DPH7: variants seen among roughly 807,000 people sequenced by gnomAD.
DPH7 encodes the protein diphthine methyltransferase.
In DPH7, 44 loss-of-function variants were observed where a neutral mutation model predicts 41.7. The ratio of observed to expected loss-of-function variants is 1.05; its 90% CI spans 0.83 to 1.36. The LOEUF (loss-of-function observed/expected upper bound fraction) is 1.36, where lower values mean the gene tolerates loss of function less well. Ranked by LOEUF, DPH7 falls within the 40% of genes most tolerant of loss-of-function variation. The pLI is 0.00. For synonymous variants in DPH7, 275 were observed against 238.0 expected, an observed-to-expected ratio of 1.16 and a Z score of -1.43; for missense variants, 629 against 577.5, an observed-to-expected ratio of 1.09 and a Z score of -0.91.
chr9:137,565,023 C>T, intron 6 of DPH7, 62 bp downstream of exon 6: 1 of 1,610,834 alleles, frequency 6.2e-7, no homozygotes, highest in African/African-American at 1.3e-5. Flanking sequence ...AACGGGAGGG[C>T]TGGTGACCCA....
intron 8 of DPH7, among the ~76,000 whole-genome samples, chr9:137,558,717 C>T (rs1482503719): frequency 2.0e-5 from 3 of 152,144 alleles, no homozygotes; most frequent in Admixed American, 2.0e-4. Flanking sequence ...GATGATTGCA[C>T]AGTATTTTGA....
rs374226836 is a variant in DPH7 at position 137,562,981 on chromosome 9, T to G, written c.949+1453A>C. Among the ~76,000 whole-genome samples the G allele has an allele frequency of 5.4e-5, 8 of 148,554 alleles. No individual in the cohort carries two copies. In the East Asian group the frequency reaches 1.4e-3, roughly 26 times the overall value. On this transcript the variant is annotated intron_variant, in intron 8 of 8. Coordinates refer to ENST00000277540, the MANE Select transcript of DPH7 (RefSeq NM_138778.5). ...GACTCCATCTCAAAAAAAAAAGATCTCAAATTGTTTTAATACAAGAAATAT... is the reference window on the plus strand; with the variant it reads ...GACTCCATCTCAAAAAAAAAAGATCGCAAATTGTTTTAATACAAGAAATAT...
rs1350939162 is a variant in DPH7 at position 137,573,534 on chromosome 9, T to G, written c.640+674A>C. 3.5e-5 allele frequency among the ~76,000 whole-genome samples: 5 copies of G among 144,278 alleles called. No individual in the cohort carries two copies. In the Admixed American group the frequency reaches 3.5e-4, roughly 10 times the overall value. 94.7% of individuals were successfully genotyped at this position (144,278 alleles called of 152,430 possible). ...TCTCTAAAAAAAAAACTACAAAAAA[T>G]TAGCTGGACATGGTGGCGGGTGCCT... On this transcript the variant is annotated intron_variant, in intron 5 of 8. Transcript: ENST00000277540.
intron 8 of DPH7, 129 bp from the exon 9 acceptor site, chr9:137,555,777 T>C (rs1588763756): frequency 3.7e-6 from 4 of 1,090,496 alleles, no homozygotes; most frequent in South Asian, 3.4e-5. Context: ...TGAGGAGCCG[T>C]TGTGTCATGC....
chr9:137,576,865 G>C lies in DPH7; in HGVS notation c.287+605C>G, dbSNP rs188054196. Reference sequence around the variant, plus strand: ...AGACCGCGCCACTGCACTCTAGCCCGGGCGACAGAGCGAGACTCCGTCTCA... The same window carrying C: ...AGACCGCGCCACTGCACTCTAGCCCCGGCGACAGAGCGAGACTCCGTCTCA... On this transcript the variant is annotated intron_variant, in intron 2 of 8. Transcript: ENST00000277540. Among the ~76,000 whole-genome samples, 28 of 151,724 alleles carry C rather than the reference G, an allele frequency of 1.8e-4. No individual in the cohort carries two copies. In the East Asian group the frequency reaches 4.5e-3, roughly 24 times the overall value.
intron 8 of DPH7, among the ~76,000 whole-genome samples, chr9:137,561,542 CAAA>C (rs557915176): frequency 3.8e-5 from 2 of 52,268 alleles, no homozygotes; most frequent in Non-Finnish European, 7.0e-5. Context: ...GACTCCATCT[CAAA>C]AAAAAAAAAA....
Position 137,564,530 on chromosome 9 carries a change from C to G in DPH7, c.853G>C (p.Val285Leu). ...PLADTPVQGG[V>L]WRIKWHPFHH... ...AAAGGGTGCCACTTGATTCTCCATA[C>G]CCCACCCTGCACAGGCGTATCTGCC... Residue 285 changes from valine (V) to leucine (L), a missense_variant, in exon 8 of 9, where the codon GTA becomes CTA. Coordinates refer to ENST00000277540, the MANE Select transcript of DPH7 (RefSeq NM_138778.5). The G allele has an allele frequency of 1.2e-6, 2 of 1,614,144 alleles. No individual in the cohort carries two copies. Among genetic ancestry groups the G allele is most frequent in the Non-Finnish European group, 1.7e-6 (2 of 1,180,004 alleles).
In DPH7 at chr9:137,564,374, C is replaced by G. The variant is rs1891625; in HGVS notation, c.949+60G>C. On this transcript the variant is annotated intron_variant, in intron 8 of 8. Transcript: ENST00000277540. ...GAGCTGAGGGAAGAGCCCAGCAGAG[C>G]GAGGGGGCAGGGAACTGGTGCCCTG... The G allele has an allele frequency of 5.5e-3, 8,499 of 1,558,694 alleles. 399 individuals carry two copies. In the African/African-American group the frequency reaches 0.1, roughly 18 times the overall value.
In DPH7 at chr9:137,561,020, T is replaced by A. The variant is rs1238371366; in HGVS notation, c.949+3414A>T. ...CAGGGCAACAGAGCAAGACCCCATC[T>A]CAAAAAAAAAAAAAAAAAAAAGAAA... On this transcript the variant is annotated intron_variant, in intron 8 of 8. Transcript: ENST00000277540. 1.6e-3 allele frequency among the ~76,000 whole-genome samples: 62 copies of A among 39,510 alleles called. 1 individual carries two copies. Among genetic ancestry groups the A allele is most frequent in the East Asian group, 8.9e-4 (2 of 2,240 alleles). 25.9% of individuals were successfully genotyped at this position (39,510 alleles called of 152,430 possible).
chr9:137,558,520 G>A (rs1020606075), intron 8 of DPH7, among the ~76,000 whole-genome samples: 1 of 152,182 alleles, frequency 6.6e-6, no homozygotes, highest in Non-Finnish European at 1.5e-5. Flanking sequence ...TCTGACACAT[G>A]CTCCAACAGG....
rs761068537 is a variant in DPH7, at chr9:137,556,855, G to A, written c.950-1207C>T. The A allele has an allele frequency of 6.1e-5, 28 of 456,678 alleles. No homozygotes were observed. The highest frequency in any genetic ancestry group is 4.0e-4 in the South Asian group (26 of 64,568). 28.3% of individuals were successfully genotyped at this position (456,678 alleles called of 1,614,324 possible). On this transcript the variant is annotated intron_variant, in intron 8 of 8. Coordinates refer to ENST00000277540, the MANE Select transcript of DPH7 (RefSeq NM_138778.5). This position sits in a 1 kb window ranked among gnomAD's most constrained non-coding sequence, Gnocchi z 5.2. ...ATAAGGCAGAGTCTAAGCCCTCAGA[G>A]AGCCACAGCCTGGGAAAAAGACAGC...
At chr9:137,572,509 G>A (rs1266581973) in intron 5 of DPH7, among the ~76,000 whole-genome samples, 1 of 152,204 alleles carries the variant, frequency 6.6e-6, no homozygotes, top group Non-Finnish European at 1.5e-5. Flanking sequence ...TGAAGGCAGG[G>A]CCATCACTTG....
chr9:137,574,399 T>A lies in DPH7; in HGVS notation c.468-19A>T. 1 of 1,606,540 alleles carries A rather than the reference T, an allele frequency of 6.2e-7. No homozygotes were observed. The highest frequency in any genetic ancestry group is 8.5e-7 in the Non-Finnish European group (1 of 1,175,108). ...CCCGGCCCTAGACACAGGGAACCCA[T>A]GAAGAAGCCCGGCAGAATGTTATTC... On this transcript the variant is annotated intron_variant, in intron 4 of 8. Transcript: ENST00000277540.
chr9:137,564,443 T>C lies in DPH7; in HGVS notation c.940A>G (p.Lys314Glu). 1 of 1,613,162 alleles carries C rather than the reference T, an allele frequency of 6.2e-7. No individual in the cohort carries two copies. Among genetic ancestry groups the C allele is most frequent in the Non-Finnish European group, 8.5e-7 (1 of 1,179,484 alleles). ...ACGGGTCCCCACTCACCCATTGCCT[T>C]TTGGCAGTTGAGGATCTTAAAGCCA... ...HSGFKILNCQ[K>E]AMEERQEATV... is the part of the protein sequence containing the mutation. The change falls in exon 8 of 9, where the codon AAG becomes GAG. Residue 314 changes from lysine to glutamate, a missense_variant. Coordinates refer to ENST00000277540, the MANE Select transcript of DPH7 (RefSeq NM_138778.5).
At chr9:137,559,889 G>A (rs1041984360) in intron 8 of DPH7, among the ~76,000 whole-genome samples, 4 of 152,178 alleles carry the variant, frequency 2.6e-5, no homozygotes, top group African/African-American at 9.7e-5. Flanking sequence ...GGGCCCAGCT[G>A]TCTTTTCTTT....
At chr9:137,576,385 C>T in intron 2 of DPH7, 2 of 550,596 alleles carry the variant, frequency 3.6e-6, no homozygotes, top group Non-Finnish European at 6.6e-6. Flanking sequence ...TGTGACACAA[C>T]AGGAAGTGGT....
In DPH7 at chr9:137,578,717, A is replaced by G. The variant is rs1383294592; in HGVS notation, c.61T>C (p.Trp21Arg). 6.5e-7 allele frequency: 1 copy of G among 1,528,678 alleles called. No homozygotes were observed. Among genetic ancestry groups the G allele is most frequent in the Non-Finnish European group, 8.8e-7 (1 of 1,139,106 alleles). 94.7% of individuals were successfully genotyped at this position (1,528,678 alleles called of 1,614,324 possible). A position where few individuals can be genotyped will look rare whatever the true frequency, so the allele number is the denominator to read the frequency against. The stretch of plus-strand genomic sequence containing the variant: ...TGCCTGCAGCCTTGCAGCGGGCACC[A>G]CTCCACCGAGTCCGCGGTCAGCTCG... ...DTELTADSVE[W>R]CPLQGCRHLL... The change falls in exon 1 of 9, where the codon TGG (tryptophan) becomes CGG (arginine). Residue 21 changes from tryptophan (W) to arginine (R), a missense_variant. Transcript: ENST00000277540.
At chr9:137,568,582 ACT>A (rs1368950295) in intron 5 of DPH7, among the ~76,000 whole-genome samples, 1 of 150,852 alleles carries the variant, frequency 6.6e-6, no homozygotes, top group African/African-American at 2.4e-5. Flanking sequence ...CCCCGGGGTG[ACT>A]CTGTCTGTGA....
Position 137,556,063 on chromosome 9 carries a change from G to A in DPH7, c.950-415C>T, listed in dbSNP as rs1837457486. On this transcript the variant is annotated intron_variant, in intron 8 of 8. Transcript: ENST00000277540. The surrounding 1 kb of genome is among the most constrained non-coding windows in gnomAD (Gnocchi z 5.2). ...GTGAGAAAGTCCAAGGCTCGCACGGGGAACCACAAACAGGCAGCCATGGCA... is the reference window on the plus strand; with the variant it reads ...GTGAGAAAGTCCAAGGCTCGCACGGAGAACCACAAACAGGCAGCCATGGCA... Among the ~76,000 whole-genome samples the A allele has an allele frequency of 6.6e-6, 1 of 152,190 alleles. No homozygotes were observed. Among genetic ancestry groups the A allele is most frequent in the Non-Finnish European group, 1.5e-5 (1 of 68,028 alleles).
Sources: allele counts gnomAD v4.1 joint callset (sites outside exome capture counted in the v4.1 genomes callset), GRCh38; gene constraint gnomAD v4.1.1; non-coding constraint Gnocchi (gnomAD v3.1); transcripts MANE v1.5; gene names NCBI Gene and HGNC (gene_info 2026-07-23, HGNC 2026-07-21).